RAB38: variants seen among roughly 807,000 people sequenced by gnomAD.
RAB38 encodes the protein RAB38, member RAS oncogene family.
A neutral mutation model predicts 18.4 loss-of-function variants in RAB38; 15 were observed. The ratio of observed to expected loss-of-function variants is 0.82; its 90% CI spans 0.55 to 1.26. The LOEUF is 1.26. Among genes scored for constraint, RAB38 ranks in the 50% most tolerant of loss-of-function variants. The probability of loss-of-function intolerance (pLI) is 0.00; values close to 1 mark genes in which losing one functional copy is unlikely to be tolerated. For missense variants in RAB38, 294 were observed against 267.4 expected, an observed-to-expected ratio of 1.10 and a Z score of -0.69; for synonymous variants, 101 against 104.4, an observed-to-expected ratio of 0.97 and a Z score of 0.20.
At chr11:88,009,508 T>C in the RAB38 span, among the ~76,000 whole-genome samples, 7 of 152,264 alleles carry the variant, frequency 4.6e-5, no homozygotes, top group South Asian at 1.2e-3. Flanking sequence ...AGAAGCTGTG[T>C]GAAAGGCATA....
the RAB38 span, among the ~76,000 whole-genome samples, chr11:87,973,859 C>T: frequency 6.6e-6 from 1 of 151,882 alleles, no homozygotes. Context: ...CATTTGAGAT[C>T]TCAGGAAGGC....
chr11:88,110,544 C>A (rs144970649), downstream of RAB38, among the ~76,000 whole-genome samples: 3 of 152,058 alleles, frequency 2.0e-5, no homozygotes, highest in East Asian at 5.8e-4. Flanking sequence ...AAAGGCCAGG[C>A]GTGGTGGCTC....
At chr11:88,101,542 T>C in the RAB38 span, among the ~76,000 whole-genome samples, 1 of 151,888 alleles carries the variant, frequency 6.6e-6, no homozygotes, top group Non-Finnish European at 1.5e-5. Flanking sequence ...CAAGACATCA[T>C]GTTAAATACA....
the RAB38 span, among the ~76,000 whole-genome samples, chr11:88,093,484 T>C: frequency 1.2e-5 from 1 of 82,230 alleles, no homozygotes; most frequent in South Asian, 3.5e-4. Context: ...AATTGTATAG[T>C]TTGAAAAAAA....
chr11:88,161,018 T>C (rs917388909), intron 1 of RAB38, among the ~76,000 whole-genome samples: 3 of 151,964 alleles, frequency 2.0e-5, no homozygotes. Context: ...AAAACCTCTA[T>C]CTCCATTAGA....
the RAB38 span, among the ~76,000 whole-genome samples, chr11:88,030,142 C>A: frequency 3.4e-4 from 52 of 152,016 alleles, no homozygotes; most frequent in African/African-American, 1.2e-3. Flanking sequence ...GGGTACATAA[C>A]GAAATGAAGG....
chr11:87,812,486 AAT>A, the RAB38 span, among the ~76,000 whole-genome samples: 1 of 152,330 alleles, frequency 6.6e-6, no homozygotes, highest in Non-Finnish European at 1.5e-5. Flanking sequence ...TGGTTGGAGA[AAT>A]AGGGTTTGTA....
the RAB38 span, among the ~76,000 whole-genome samples, chr11:87,858,810 C>T: frequency 7.9e-5 from 12 of 151,750 alleles, no homozygotes; most frequent in Middle Eastern, 3.4e-3. Context: ...TTTGCAGTGA[C>T]GGATTTGCAG....
the RAB38 span, among the ~76,000 whole-genome samples, chr11:88,106,951 G>A: frequency 2.6e-5 from 4 of 152,084 alleles, no homozygotes; most frequent in South Asian, 8.3e-4. Context: ...GAATTCAGAA[G>A]TGATGAAGTA....
At chr11:88,136,367 A>G (rs1942834743) in intron 2 of RAB38, among the ~76,000 whole-genome samples, 1 of 152,212 alleles carries the variant, frequency 6.6e-6, no homozygotes, top group East Asian at 1.9e-4. Flanking sequence ...GGCGCTTCAA[A>G]TGTGGCCAAC....
At chr11:88,136,779 A>C (rs990099024) in intron 2 of RAB38, among the ~76,000 whole-genome samples, 1 of 152,242 alleles carries the variant, frequency 6.6e-6, no homozygotes, top group Non-Finnish European at 1.5e-5. Flanking sequence ...AAATCCAAGA[A>C]GCTCAACACT....
chr11:87,855,533 T>A, the RAB38 span, among the ~76,000 whole-genome samples: 3 of 152,184 alleles, frequency 2.0e-5, no homozygotes, highest in African/African-American at 7.2e-5. Context: ...TTGTTTCAAG[T>A]TGATCATTCT....
chr11:87,915,866 C>T, the RAB38 span, among the ~76,000 whole-genome samples: 1 of 152,058 alleles, frequency 6.6e-6, no homozygotes, highest in East Asian at 1.9e-4. Context: ...CCTTGGGAGT[C>T]CACCCCTCAC....
At chr11:88,071,973 T>G in the RAB38 span, among the ~76,000 whole-genome samples, 1 of 152,312 alleles carries the variant, frequency 6.6e-6, no homozygotes, top group South Asian at 2.1e-4. Flanking sequence ...CCATTGTAAG[T>G]CATAAGTACA....
the RAB38 span, among the ~76,000 whole-genome samples, chr11:88,059,599 T>G: frequency 6.6e-6 from 1 of 152,246 alleles, no homozygotes; most frequent in Non-Finnish European, 1.5e-5. Context: ...CAAATGCTAT[T>G]GTTTCAGTAT....
the RAB38 span, among the ~76,000 whole-genome samples, chr11:87,953,410 T>C: frequency 3.3e-5 from 5 of 152,196 alleles, no homozygotes; most frequent in African/African-American, 1.2e-4. Flanking sequence ...AATAGTACAG[T>C]AGTCCCCCCT....
At chr11:88,165,583 A>C (rs1393590884) in intron 1 of RAB38, 1 of 152,200 alleles carries the variant, frequency 6.6e-6, no homozygotes, top group East Asian at 1.9e-4. Context: ...GCTGATAAAC[A>C]AATTGAAAGT....
chr11:88,026,590 A>G, the RAB38 span, among the ~76,000 whole-genome samples: 1 of 148,576 alleles, frequency 6.7e-6, no homozygotes, highest in Non-Finnish European at 1.5e-5. Context: ...AAAAAAAAGG[A>G]AAAGAAATGA....
the RAB38 span, among the ~76,000 whole-genome samples, chr11:87,908,803 T>A: frequency 1.3e-5 from 2 of 152,052 alleles, no homozygotes; most frequent in East Asian, 3.9e-4. Context: ...CCTTCCTGTT[T>A]CCTGTATTCG....
Sources: allele counts gnomAD v4.1 joint callset (sites outside exome capture counted in the v4.1 genomes callset), GRCh38; gene constraint gnomAD v4.1.1; transcripts MANE v1.5; gene names NCBI Gene and HGNC (gene_info 2026-07-23, HGNC 2026-07-21).